CLNK: variants seen among roughly 807,000 people sequenced by gnomAD.
The protein encoded by CLNK is cytokine dependent hematopoietic cell linker.
In CLNK, 74 loss-of-function variants were observed where a neutral mutation model predicts 68.6. The ratio of observed to expected loss-of-function variants is 1.08; its 90% CI spans 0.89 to 1.31. The LOEUF (loss-of-function observed/expected upper bound fraction) is 1.31. CLNK is among the 50% of genes most tolerant of loss of function. The probability of loss-of-function intolerance (pLI) is 0.00; values close to 1 mark genes in which losing one functional copy is unlikely to be tolerated. For missense variants in CLNK, 553 were observed against 515.3 expected, an observed-to-expected ratio of 1.07 and a Z score of -0.71; for synonymous variants, 198 against 172.2, an observed-to-expected ratio of 1.15 and a Z score of -1.17.
intron 3 of CLNK, among the ~76,000 whole-genome samples, chr4:10,596,895 G>A (rs1017619343): frequency 1.3e-5 from 2 of 152,118 alleles, no homozygotes; most frequent in Non-Finnish European, 2.9e-5. Flanking sequence ...CTGAAAGAGG[G>A]CTTCTAAACC....
At chr4:10,653,642 A>G (rs1434751177) in intron 2 of CLNK, among the ~76,000 whole-genome samples, 1 of 152,218 alleles carries the variant, frequency 6.6e-6, no homozygotes, top group African/African-American at 2.4e-5. Context: ...TGGCGAATCA[A>G]TGAAATAACA....
At chr4:10,542,188 TC>T in intron 9 of CLNK, 66 bp downstream of exon 9, 1 of 1,192,484 alleles carries the variant, frequency 8.4e-7, no homozygotes, top group Non-Finnish European at 1.2e-6. Flanking sequence ...AGTTTTTGCA[TC>T]ATCTATATCT....
the CLNK span, among the ~76,000 whole-genome samples, chr4:10,708,562 A>AT: frequency 1.9e-4 from 29 of 152,188 alleles, no homozygotes; most frequent in African/African-American, 6.3e-4. Context: ...AAATAAGCAC[A>AT]AAGTAGGGCT....
intron 2 of CLNK, among the ~76,000 whole-genome samples, chr4:10,616,247 C>T (rs1465711543): frequency 6.6e-6 from 1 of 152,128 alleles, no homozygotes; most frequent in Non-Finnish European, 1.5e-5. Flanking sequence ...GGACGTTGGC[C>T]ATAGTGGGAG....
intron 2 of CLNK, among the ~76,000 whole-genome samples, chr4:10,650,357 C>T (rs6821965): frequency 0.77 from 117,640 of 151,944 alleles, 45,860 homozygotes; most frequent in Non-Finnish European, 0.83. Context: ...TGACAGAGTA[C>T]TGAGAAATAG....
At chr4:10,692,965 G>C in the CLNK span, among the ~76,000 whole-genome samples, 32 of 152,338 alleles carry the variant, frequency 2.1e-4, no homozygotes, top group African/African-American at 7.0e-4. Context: ...TGCATTGAGA[G>C]ATTGTTTTAT....
rs1721263275 is a variant in CLNK at position 10,593,423 on chromosome 4, G to A, written c.83+4555C>T. On this transcript the variant is annotated intron_variant, in intron 3 of 18. Coordinates refer to ENST00000226951, the MANE Select transcript of CLNK (RefSeq NM_052964.4). ...TCATCCCAGGTCTTTGGGAGGCTGA[G>A]GTGGGTGGATCACTTGAGGTCAGGA... Among the ~76,000 whole-genome samples, 4 of 152,214 alleles carry A rather than the reference G, an allele frequency of 2.6e-5. No individual in the cohort carries two copies. In the South Asian group the frequency reaches 8.3e-4, roughly 32 times the overall value.
intron 5 of CLNK, among the ~76,000 whole-genome samples, chr4:10,570,751 T>A (rs1239192734): frequency 1.3e-5 from 2 of 152,198 alleles, no homozygotes; most frequent in Non-Finnish European, 2.9e-5. Flanking sequence ...ATTTAAATTA[T>A]ATACCTATAC....
At chr4:10,539,773 AG>A (rs1315264390) in intron 11 of CLNK, among the ~76,000 whole-genome samples, 2 of 152,218 alleles carry the variant, frequency 1.3e-5, no homozygotes, top group East Asian at 3.8e-4. Context: ...AGAGTTTTCA[AG>A]CATGGTTATA....
chr4:10,720,929 A>G, the CLNK span, among the ~76,000 whole-genome samples: 2 of 152,082 alleles, frequency 1.3e-5, no homozygotes, highest in Non-Finnish European at 2.9e-5. Context: ...AGTGTCCTTC[A>G]GTGGCTGAAT....
At chr4:10,728,259 C>A in the CLNK span, among the ~76,000 whole-genome samples, 44 of 152,282 alleles carry the variant, frequency 2.9e-4, no homozygotes, top group Admixed American at 5.9e-4. Flanking sequence ...CCTCTCTTGT[C>A]TCCCCAAAAA....
the CLNK span, among the ~76,000 whole-genome samples, chr4:10,731,713 G>T: frequency 3.3e-5 from 5 of 152,160 alleles, no homozygotes; most frequent in South Asian, 2.1e-4. Context: ...ATCATGGTGT[G>T]CAAAATGTGT....
chr4:10,593,476 G>T (rs900838279), intron 3 of CLNK, among the ~76,000 whole-genome samples: 1 of 152,066 alleles, frequency 6.6e-6, no homozygotes, highest in African/African-American at 2.4e-5. Flanking sequence ...CTAATATGGC[G>T]AAACCCCATC....
At chr4:10,699,819 A>G in the CLNK span, among the ~76,000 whole-genome samples, 1 of 152,108 alleles carries the variant, frequency 6.6e-6, no homozygotes. Context: ...CCGCCACTCC[A>G]TATATTTTAA....
chr4:10,638,133 A>G (rs1723167207), intron 2 of CLNK, among the ~76,000 whole-genome samples: 1 of 152,196 alleles, frequency 6.6e-6, no homozygotes, highest in African/African-American at 2.4e-5. Context: ...ACGGCCTGAC[A>G]TTCAGCCTGT....
chr4:10,630,161 C>G (rs1401770620), intron 2 of CLNK, among the ~76,000 whole-genome samples: 2 of 152,224 alleles, frequency 1.3e-5, no homozygotes, highest in Middle Eastern at 3.2e-3. Flanking sequence ...CTTGTGGACA[C>G]TGATGAAATA....
intron 2 of CLNK, among the ~76,000 whole-genome samples, chr4:10,636,545 G>T (rs1723097667): frequency 6.6e-6 from 1 of 152,156 alleles, no homozygotes; most frequent in East Asian, 1.9e-4. Flanking sequence ...TATTTGTTAT[G>T]GCAGTCCTAG....
At chr4:10,713,073 T>C in the CLNK span, among the ~76,000 whole-genome samples, 1 of 152,212 alleles carries the variant, frequency 6.6e-6, no homozygotes, top group Non-Finnish European at 1.5e-5. Flanking sequence ...ACCTCTTTGC[T>C]TGTCTTCGCT....
intron 2 of CLNK, chr4:10,635,723 G>T (rs1307048337): frequency 6.6e-6 from 1 of 152,124 alleles, no homozygotes; most frequent in Admixed American, 6.5e-5. Flanking sequence ...GGTTGGATTG[G>T]GTTATTATTC....
Sources: gnomAD v4.1 joint callset for allele counts (sites outside exome capture counted in the v4.1 genomes callset) on GRCh38, gnomAD v4.1.1 for gene constraint, MANE v1.5 for transcripts, NCBI Gene and HGNC (gene_info 2026-07-23, HGNC 2026-07-21) for gene names.